STON1: variants seen among roughly 807,000 people sequenced by gnomAD.
STON1 encodes stonin 1, also known as stonin-1.
Under a neutral mutation model 60.9 loss-of-function variants are expected in STON1, and 79 were observed. That is an observed-to-expected ratio of 1.30 (90% confidence interval 1.08 to 1.56). The LOEUF (loss-of-function observed/expected upper bound fraction) is 1.56, where lower values mean the gene tolerates loss of function less well. Among genes scored for constraint, STON1 ranks in the 40% most tolerant of loss-of-function variants. STON1 has a pLI of 0.00. For missense variants in STON1, 1,166 were observed against 858.9 expected (o/e 1.36, Z -4.47); for synonymous variants, 363 against 306.9 (o/e 1.18, Z -1.91).
At chr2:48,531,739 G>A (rs1671219358) in intron 1 of STON1, 1 of 152,052 alleles carries the variant, frequency 6.6e-6, no homozygotes, top group Non-Finnish European at 1.5e-5. Context: ...GGTTGCTGGG[G>A]GATGTTGAAT....
At chr2:48,576,334 C>A (rs1329532206) in intron 1 of STON1, among the ~76,000 whole-genome samples, 1 of 151,086 alleles carries the variant, frequency 6.6e-6, no homozygotes, top group African/African-American at 2.4e-5. Context: ...GGATTTCAGG[C>A]ACCCACCACC....
intron 1 of STON1, among the ~76,000 whole-genome samples, chr2:48,532,724 T>C (rs924142385): frequency 6.6e-6 from 1 of 151,778 alleles, no homozygotes; most frequent in Non-Finnish European, 1.5e-5. Context: ...GAGGCTGGGG[T>C]TGTAATGAAG....
intron 1 of STON1, among the ~76,000 whole-genome samples, chr2:48,577,349 G>A (rs2103896468): frequency 6.6e-6 from 1 of 152,078 alleles, no homozygotes; most frequent in South Asian, 2.1e-4. Flanking sequence ...TTGGGAGGCC[G>A]AGGTGGGCAG....
At position 48,561,031 on chromosome 2, in the gene STON1, A is replaced by C. The variant is rs1298204385; in HGVS notation, c.-47-19556A>C. Among the ~76,000 whole-genome samples the C allele has an allele frequency of 1.3e-5, 2 of 151,526 alleles. 1 individual carries two copies. The highest frequency in any genetic ancestry group is 2.9e-5 in the Non-Finnish European group (2 of 67,930). ...GTGTGTGTCTTACTTTCTCCTTTTC[A>C]TTTCCTCCTCTTGTAAAGTGACCCA... is the stretch of plus-strand genomic sequence containing the variant. On this transcript the variant is annotated intron_variant, in intron 1 of 3. Transcript: ENST00000404752.
chr2:48,553,894 G>C (rs185841069), intron 1 of STON1, among the ~76,000 whole-genome samples: 1 of 152,346 alleles, frequency 6.6e-6, no homozygotes, highest in East Asian at 1.9e-4. Flanking sequence ...AAGGCAGAGA[G>C]AAGCAGAGTT....
At chr2:48,535,276 CACA>C in intron 1 of STON1, among the ~76,000 whole-genome samples, 1 of 152,122 alleles carries the variant, frequency 6.6e-6, no homozygotes, top group East Asian at 1.9e-4. Flanking sequence ...ACTATGAACA[CACA>C]ACAATAAATT....
intron 1 of STON1, among the ~76,000 whole-genome samples, chr2:48,536,981 C>T (rs532028071): frequency 1.3e-5 from 2 of 152,328 alleles, no homozygotes; most frequent in Admixed American, 6.5e-5. Flanking sequence ...TTTTACCCAG[C>T]ATCCCAGCTG....
rs1382937525 is a variant in STON1, at chr2:48,580,957, A to G, written c.324A>G (p.Ser108=). Residue 108 remains serine (S), a synonymous_variant, in exon 2 of 4, where the codon TCA becomes TCG. Transcript: ENST00000404752. ...GTHVLYPIPE[S]SSDSPLAISG... ...ATGTGCTTTATCCTATTCCAGAATC[A>G]TCTTCAGACAGCCCACTCGCAATAT... 2 of 1,587,100 alleles carry G rather than the reference A, an allele frequency of 1.3e-6. No homozygotes were observed. The highest frequency in any genetic ancestry group is 1.7e-6 in the Non-Finnish European group (2 of 1,170,160).
chr2:48,595,469 T>C lies in STON1; in HGVS notation c.*167T>C. On this transcript the variant is annotated 3_prime_UTR_variant, in exon 4 of 4. Coordinates refer to ENST00000404752, the MANE Select transcript of STON1 (RefSeq NM_006873.4). ...TAGACCTAAAACCGAACAATCTGTA[T>C]TTTTTGCTTTTCATGTGTTTTTGTC... 1.7e-6 allele frequency: 1 copy of C among 588,988 alleles called. No homozygotes were observed. The allele number at this position is 588,988 out of a possible 1,614,324, so 36.5% of individuals were successfully genotyped here. A position where few individuals can be genotyped will look rare whatever the true frequency, so the allele number is the denominator to read the frequency against.
Position 48,595,262 on chromosome 2 carries a change from G to C in STON1, c.2168G>C (p.Gly723Ala). 2 of 1,613,892 alleles carry C rather than the reference G, an allele frequency of 1.2e-6. No homozygotes were observed. Among genetic ancestry groups the C allele is most frequent in the Non-Finnish European group, 1.7e-6 (2 of 1,179,808 alleles). Residue 723 changes from glycine (G) to alanine (A), a missense_variant, in exon 4 of 4, where the codon GGA (glycine) becomes GCA (alanine). By Grantham distance (60) the Gly-to-Ala change is moderately conservative (BLOSUM62 0). Transcript: ENST00000404752. ...EIEKKWIKID[G>A]EDPDKIGDCI... The stretch of plus-strand genomic sequence containing the variant: ...GAAAAGAAGTGGATTAAAATCGATG[G>C]AGAAGACCCAGATAAAATTGGTGAC...
At chr2:48,565,213 C>T (rs759473863) in intron 1 of STON1, among the ~76,000 whole-genome samples, 7 of 151,750 alleles carry the variant, frequency 4.6e-5, no homozygotes, top group African/African-American at 1.2e-4. Context: ...CCACCACGCC[C>T]GGCTAATTTT....
intron 3 of STON1, among the ~76,000 whole-genome samples, 181 bp from the exon 4 acceptor site, chr2:48,595,044 CTGT>C (rs1481422353): frequency 2.0e-5 from 3 of 152,082 alleles, no homozygotes; most frequent in Non-Finnish European, 2.9e-5. Flanking sequence ...TTGAGGGGCT[CTGT>C]TGTTCAAAAG....
chr2:48,545,424 C>T (rs1482050114), intron 1 of STON1, among the ~76,000 whole-genome samples: 1 of 152,174 alleles, frequency 6.6e-6, no homozygotes, highest in Non-Finnish European at 1.5e-5. Context: ...CACGGGCGCG[C>T]ACAGACCCCG....
At chr2:48,584,129 T>C (rs1674063656) in intron 2 of STON1, among the ~76,000 whole-genome samples, 1 of 152,214 alleles carries the variant, frequency 6.6e-6, no homozygotes, top group Non-Finnish European at 1.5e-5. Context: ...AATAAAAATC[T>C]GATCCCTGTT....
chr2:48,553,627 A>G (rs932172821), intron 1 of STON1, among the ~76,000 whole-genome samples: 3 of 152,010 alleles, frequency 2.0e-5, no homozygotes, highest in Admixed American at 1.3e-4. Flanking sequence ...AGCTGGGATT[A>G]CAGGCACATG....
At chr2:48,551,018 TTTA>T (rs139288229) in intron 1 of STON1, among the ~76,000 whole-genome samples, 2 of 151,392 alleles carry the variant, frequency 1.3e-5, no homozygotes, top group Non-Finnish European at 1.5e-5. Context: ...GGTTTCTGTA[TTTA>T]TTATTATTAT....
intron 1 of STON1, among the ~76,000 whole-genome samples, chr2:48,544,184 T>G (rs747411082): frequency 1.4e-5 from 2 of 145,272 alleles, no homozygotes; most frequent in African/African-American, 2.4e-5. Flanking sequence ...TCTCTGGATT[T>G]TGTGTGTGTG....
chr2:48,584,678 G>A (rs752910967), intron 2 of STON1, among the ~76,000 whole-genome samples: 2 of 152,078 alleles, frequency 1.3e-5, no homozygotes, highest in South Asian at 4.2e-4. Context: ...GGTGGGGAGG[G>A]AGCCAGATTC....
Position 48,545,011 on chromosome 2 carries a change from G to A in STON1, c.-48+14795G>A, listed in dbSNP as rs111615373. On this transcript the variant is annotated intron_variant, in intron 1 of 3. Transcript: ENST00000404752. ...CTTGAGGCAGAGCCTTATACATTTTGTGAAACTCCCGGTGACTCTTGTTAG... is the reference window on the plus strand; with the variant it reads ...CTTGAGGCAGAGCCTTATACATTTTATGAAACTCCCGGTGACTCTTGTTAG... Among the ~76,000 whole-genome samples, 194 of 152,296 alleles carry A rather than the reference G, an allele frequency of 1.3e-3. 2 individuals carry two copies. The highest frequency in any genetic ancestry group is 4.4e-3 in the African/African-American group (182 of 41,558).
Sources: gnomAD v4.1 joint callset for allele counts (sites outside exome capture counted in the v4.1 genomes callset) on GRCh38, gnomAD v4.1.1 for gene constraint, MANE v1.5 for transcripts, NCBI Gene and HGNC (gene_info 2026-07-23, HGNC 2026-07-21) for gene names.